Variants in TTC7A observed in about 807,000 individuals in gnomAD.
The protein encoded by TTC7A is tetratricopeptide repeat protein 7A.
TTC7A carries 110 observed loss-of-function variants against 103.7 expected under a neutral mutation model. The observed-to-expected ratio is 1.06, with a 90% CI of 0.91 to 1.24. TTC7A has a LOEUF of 1.24. TTC7A is among the 50% of genes most tolerant of loss of function. TTC7A has a pLI of 0.00. For synonymous variants in TTC7A, 521 were observed against 467.9 expected (o/e 1.11, Z -1.47); for missense variants, 1,340 against 1,116.3 (o/e 1.20, Z -2.86).
chr2:46,935,911 C>A (rs1669952627), intron 2 of TTC7A, among the ~76,000 whole-genome samples: 1 of 151,976 alleles, frequency 6.6e-6, no homozygotes, highest in South Asian at 2.1e-4. Context: ...GGCAACATAG[C>A]AAGATTCAGT....
intron 1 of TTC7A, among the ~76,000 whole-genome samples, chr2:46,943,013 A>G (rs9973769): frequency 6.6e-6 from 1 of 151,978 alleles, no homozygotes; most frequent in African/African-American, 2.4e-5. Flanking sequence ...TCAAGCGATC[A>G]TTCCACCTCA....
intron 12 of TTC7A, 93 bp downstream of exon 12, chr2:47,022,072 T>A: frequency 2.3e-6 from 2 of 852,638 alleles, no homozygotes; most frequent in Non-Finnish European, 3.8e-6. Context: ...ACCCCTCCCC[T>A]CAGGCCATGC....
At chr2:47,073,015 C>T (rs1182353839) in intron 19 of TTC7A, among the ~76,000 whole-genome samples, 2 of 152,176 alleles carry the variant, frequency 1.3e-5, no homozygotes, top group Non-Finnish European at 1.5e-5. Flanking sequence ...GACCCAGACC[C>T]CCCAGGCCTT....
intron 11 of TTC7A, among the ~76,000 whole-genome samples, chr2:47,012,602 T>G (rs544980473): frequency 1.0e-3 from 153 of 152,308 alleles, no homozygotes; most frequent in African/African-American, 3.5e-3. Context: ...TTCCCTCCTG[T>G]ACACAAACAA....
chr2:46,938,353 T>A (rs1670083180), upstream of TTC7A, among the ~76,000 whole-genome samples: 1 of 152,164 alleles, frequency 6.6e-6, no homozygotes. Context: ...TTTTCCTTAA[T>A]ATCAGTAAAC....
At chr2:46,920,028 A>G (rs1220275142) in intron 2 of TTC7A, among the ~76,000 whole-genome samples, 2 of 152,194 alleles carry the variant, frequency 1.3e-5, no homozygotes, top group Admixed American at 1.3e-4. Flanking sequence ...GAATTCAGAT[A>G]TACTATAAAC....
At chr2:47,066,330 T>G (rs1257964082) in intron 19 of TTC7A, among the ~76,000 whole-genome samples, 1 of 152,112 alleles carries the variant, frequency 6.6e-6, no homozygotes, top group Non-Finnish European at 1.5e-5. Flanking sequence ...GGCTGTGGCA[T>G]GAGGGGGCAC....
At position 47,072,604 on chromosome 2, in the gene TTC7A, G is replaced by A. The variant is rs549646469; in HGVS notation, c.2356-1098G>A. ...ACATGGCCGTCAGTGGGCGGGCACC[G>A]GAGAGGGGGCTCCAGGCACATAGAA... is the stretch of plus-strand genomic sequence containing the variant. On this transcript the variant is annotated intron_variant, in intron 19 of 19. Transcript: ENST00000319190. Among the ~76,000 whole-genome samples, 19 of 152,330 alleles carry A rather than the reference G, an allele frequency of 1.2e-4. No homozygotes were observed. In the East Asian group the frequency reaches 2.1e-3, roughly 17 times the overall value.
chr2:47,044,370 C>T (rs760384909), intron 15 of TTC7A, among the ~76,000 whole-genome samples: 1 of 152,200 alleles, frequency 6.6e-6, no homozygotes, highest in Non-Finnish European at 1.5e-5. Context: ...AAAGCACAGG[C>T]CCCTGATACT....
chr2:46,995,023 G>A (rs756439767), intron 7 of TTC7A, 113 bp from the exon 8 acceptor site: 43 of 931,552 alleles, frequency 4.6e-5, no homozygotes, highest in Admixed American at 1.0e-4. Context: ...TGCAGGAAGA[G>A]GTCACCTTAC....
intron 11 of TTC7A, among the ~76,000 whole-genome samples, chr2:47,015,329 T>C (rs1237574122): frequency 6.6e-6 from 1 of 152,242 alleles, no homozygotes; most frequent in Non-Finnish European, 1.5e-5. Flanking sequence ...GGAAAGGCTA[T>C]GCATGTGTGG....
intron 17 of TTC7A, 125 bp downstream of exon 17, chr2:47,050,171 T>G: frequency 1.2e-6 from 1 of 802,890 alleles, no homozygotes. Context: ...ACTGGCTCCT[T>G]GCCAGCTCGG....
chr2:46,969,927 C>T (rs1420992328), intron 3 of TTC7A, among the ~76,000 whole-genome samples: 1 of 152,186 alleles, frequency 6.6e-6, no homozygotes, highest in South Asian at 2.1e-4. Flanking sequence ...GACTGTTCAA[C>T]TGGTTTAGAC....
chr2:47,050,933 T>A (rs1256667151), intron 17 of TTC7A: 2 of 152,250 alleles, frequency 1.3e-5, no homozygotes, highest in African/African-American at 4.8e-5. Context: ...GGAGCCTTTA[T>A]TGCGTCTATG....
At chr2:47,060,183 C>T (rs555975922) in intron 18 of TTC7A, among the ~76,000 whole-genome samples, 3 of 151,832 alleles carry the variant, frequency 2.0e-5, no homozygotes, top group East Asian at 1.9e-4. Flanking sequence ...GCCAGGAGTT[C>T]GAGACCAGCC....
chr2:47,018,923 G>A (rs1349511070), intron 11 of TTC7A, among the ~76,000 whole-genome samples: 1 of 152,176 alleles, frequency 6.6e-6, no homozygotes, highest in East Asian at 1.9e-4. Context: ...CCCAGAGCTT[G>A]TGTTCTTAGC....
rs1290689238 is a variant in TTC7A at position 46,962,170 on chromosome 2, C to T, written c.517+5163C>T. Among the ~76,000 whole-genome samples the T allele has an allele frequency of 2.0e-5, 3 of 152,334 alleles. No individual in the cohort carries two copies. The East Asian group carries it at 5.8e-4, about 29-fold the overall frequency. ...GTCTGCTCCTGGTGTCCAACATAAT[C>T]TGTGAAGTTCTTCCCTTCACTTCTT... On this transcript the variant is annotated intron_variant, in intron 3 of 19. Coordinates refer to ENST00000319190, the MANE Select transcript of TTC7A (RefSeq NM_020458.4).
At chr2:47,026,402 C>G (rs554533050) in intron 14 of TTC7A, among the ~76,000 whole-genome samples, 1 of 152,132 alleles carries the variant, frequency 6.6e-6, no homozygotes, top group Admixed American at 6.5e-5. Flanking sequence ...GTAAGGTGCC[C>G]GGGGAGAACT....
rs74362086 is a variant in TTC7A, at chr2:46,975,136, C to T, written c.648+33C>T. 3,638 of 1,610,792 alleles carry T rather than the reference C, an allele frequency of 2.3e-3. 8 individuals are homozygous for T. Among genetic ancestry groups the T allele is most frequent in the Middle Eastern group, 3.8e-3 (23 of 6,042 alleles). ...GGAAATAACACCGTGGTAGGAGCTG[C>T]TCTCTATTGAGCACCTATGTCTATG... On this transcript the variant is annotated intron_variant, in intron 4 of 19. Transcript: ENST00000319190.
Sources: allele counts gnomAD v4.1 joint callset (sites outside exome capture counted in the v4.1 genomes callset), GRCh38; gene constraint gnomAD v4.1.1; transcripts MANE v1.5; gene names NCBI Gene and HGNC (gene_info 2026-07-23, HGNC 2026-07-21).